The following TMEM132D variants were observed in gnomAD, a reference collection of about 807,000 sequenced individuals.
TMEM132D encodes transmembrane protein 132D.
In TMEM132D, 21 loss-of-function variants were observed where a neutral mutation model predicts 62.3. The ratio of observed to expected loss-of-function variants is 0.34; its 90% confidence interval spans 0.24 to 0.49. The LOEUF (loss-of-function observed/expected upper bound fraction) is 0.49, where lower values mean the gene tolerates loss of function less well. Among genes scored for constraint, TMEM132D ranks in the 20% least tolerant of loss-of-function variants. The pLI is 0.99. For synonymous variants in TMEM132D, 621 were observed against 575.6 expected (o/e 1.08, Z -1.13); for missense variants, 1,346 against 1,402.8 (o/e 0.96, Z 0.65).
intron 1 of TMEM132D, among the ~76,000 whole-genome samples, chr12:129,877,019 G>A (rs369275580): frequency 7.9e-5 from 12 of 152,190 alleles, no homozygotes; most frequent in African/African-American, 2.9e-4. Flanking sequence ...CAGAGCGTGG[G>A]AATGGAGTGT....
chr12:129,256,755 C>T (rs1265690619), intron 4 of TMEM132D, among the ~76,000 whole-genome samples: 1 of 152,110 alleles, frequency 6.6e-6, no homozygotes, highest in Non-Finnish European at 1.5e-5. Flanking sequence ...CGGGGTTTCA[C>T]TGTGTTGGCC....
chr12:129,877,613 G>GCA (rs141592866), intron 1 of TMEM132D, among the ~76,000 whole-genome samples: 88,766 of 143,966 alleles, frequency 0.62, 28,911 homozygotes, highest in Non-Finnish European at 0.73. Context: ...GCGCGCGCGC[G>GCA]CACACACACA....
At chr12:129,578,154 C>T (rs1027720742) in intron 2 of TMEM132D, among the ~76,000 whole-genome samples, 22 of 152,260 alleles carry the variant, frequency 1.4e-4, no homozygotes, top group African/African-American at 4.1e-4. Flanking sequence ...GCATCCTCTT[C>T]TCCCCTCTTC....
chr12:129,592,204 T>C (rs1013756030), intron 2 of TMEM132D, among the ~76,000 whole-genome samples: 21 of 140,916 alleles, frequency 1.5e-4, no homozygotes, highest in African/African-American at 5.1e-4. Flanking sequence ...CTACTGAATA[T>C]AATGTCCATC....
At chr12:129,091,598 G>A (rs1473663727) in intron 5 of TMEM132D, among the ~76,000 whole-genome samples, 3 of 151,022 alleles carry the variant, frequency 2.0e-5, no homozygotes, top group Non-Finnish European at 3.0e-5. Context: ...CTGGGCTCTG[G>A]AGACCCTACC....
At position 129,735,088 on chromosome 12, in the gene TMEM132D, T is replaced by C. The variant is rs114682279; in HGVS notation, c.80-34390A>G. Among the ~76,000 whole-genome samples, 1,265 of 152,308 alleles carry C rather than the reference T, an allele frequency of 8.3e-3. 17 individuals carry two copies. Among genetic ancestry groups the C allele is most frequent in the African/African-American group, 0.029 (1,197 of 41,554 alleles). On this transcript the variant is annotated intron_variant, in intron 1 of 8. Coordinates refer to ENST00000422113, the MANE Select transcript of TMEM132D (RefSeq NM_133448.3). ...AGATTTGAAAGTTAAATATTTAAAC[T>C]ATTACAATTAAAAAAATACACAAAA... is the stretch of plus-strand genomic sequence containing the variant.
intron 1 of TMEM132D, among the ~76,000 whole-genome samples, chr12:129,846,929 C>T (rs528106523): frequency 3.9e-5 from 6 of 152,282 alleles, no homozygotes; most frequent in Admixed American, 6.5e-5. Context: ...CTTCTGCCCC[C>T]TCTCCCTTGG....
intron 3 of TMEM132D, among the ~76,000 whole-genome samples, chr12:129,344,634 A>G (rs1468836749): frequency 5.9e-5 from 9 of 152,106 alleles, no homozygotes; most frequent in African/African-American, 2.2e-4. Context: ...CTCTCAGTAA[A>G]GTCCCTCTTG....
chr12:129,503,471 G>C (rs914491964), intron 3 of TMEM132D, among the ~76,000 whole-genome samples: 1 of 152,126 alleles, frequency 6.6e-6, no homozygotes, highest in Non-Finnish European at 1.5e-5. Context: ...GAGAGAGAAA[G>C]AAGAAAGGGA....
At chr12:129,806,776 A>G (rs955379859) in intron 1 of TMEM132D, among the ~76,000 whole-genome samples, 1 of 152,226 alleles carries the variant, frequency 6.6e-6, no homozygotes, top group Non-Finnish European at 1.5e-5. Context: ...CTGAGATCCC[A>G]GCACTTTGGG....
intron 4 of TMEM132D, among the ~76,000 whole-genome samples, chr12:129,289,188 G>C (rs1881379166): frequency 6.6e-6 from 1 of 152,120 alleles, no homozygotes; most frequent in Admixed American, 6.6e-5. Flanking sequence ...GTAAAACCTT[G>C]TACCTATAGT....
At chr12:129,542,757 C>T (rs1156408953) in intron 2 of TMEM132D, among the ~76,000 whole-genome samples, 4 of 152,054 alleles carry the variant, frequency 2.6e-5, no homozygotes, top group South Asian at 4.1e-4. Context: ...ATGCACTGCA[C>T]GACATTTTAG....
intron 1 of TMEM132D, among the ~76,000 whole-genome samples, chr12:129,756,749 G>T (rs1870181856): frequency 6.6e-6 from 1 of 152,188 alleles, no homozygotes; most frequent in Non-Finnish European, 1.5e-5. Context: ...ATTCTCTAAA[G>T]AAGAATTCTA....
At chr12:129,764,080 C>A (rs186012057) in intron 1 of TMEM132D, among the ~76,000 whole-genome samples, 1 of 152,294 alleles carries the variant, frequency 6.6e-6, no homozygotes, top group East Asian at 1.9e-4. Flanking sequence ...TGCCAGTTAA[C>A]CTTTCAGTAA....
At chr12:129,553,700 A>G (rs1876967614) in intron 2 of TMEM132D, among the ~76,000 whole-genome samples, 2 of 152,214 alleles carry the variant, frequency 1.3e-5, no homozygotes, top group Admixed American at 1.3e-4. Context: ...GCACACCACA[A>G]GCACTCATCT....
At chr12:129,593,402 A>C (rs1421833045) in intron 2 of TMEM132D, among the ~76,000 whole-genome samples, 2 of 152,194 alleles carry the variant, frequency 1.3e-5, no homozygotes, top group African/African-American at 4.8e-5. Context: ...GCATAGAAGA[A>C]AGACAAGTAA....
At chr12:129,583,099 T>C (rs958342459) in intron 2 of TMEM132D, among the ~76,000 whole-genome samples, 21 of 152,210 alleles carry the variant, frequency 1.4e-4, no homozygotes, top group Non-Finnish European at 1.9e-4. Flanking sequence ...TGAGCCACTG[T>C]GCCCAGCCCT....
chr12:129,095,606 C>T (rs1340105886), intron 5 of TMEM132D, among the ~76,000 whole-genome samples: 1 of 152,126 alleles, frequency 6.6e-6, no homozygotes, highest in Non-Finnish European at 1.5e-5. Context: ...CCTGCCTAGG[C>T]CTCCCAAAGT....
chr12:129,521,808 TCA>T (rs1875855770), intron 3 of TMEM132D: 1 of 152,180 alleles, frequency 6.6e-6, no homozygotes, highest in Non-Finnish European at 1.5e-5. Context: ...TTTGGGTGAT[TCA>T]CAGTTTGGGC....
Sources: allele counts gnomAD v4.1 joint callset (sites outside exome capture counted in the v4.1 genomes callset), GRCh38; gene constraint gnomAD v4.1.1; transcripts MANE v1.5; gene names NCBI Gene and HGNC (gene_info 2026-07-23, HGNC 2026-07-21).